Variants in OXCT1 observed in about 807,000 individuals in gnomAD.
The protein encoded by OXCT1 is succinyl-CoA:3-ketoacid coenzyme A transferase 1, mitochondrial.
OXCT1 carries 27 observed loss-of-function variants against 69.6 expected under a neutral mutation model. The observed-to-expected ratio is 0.39, with a 90% CI of 0.29 to 0.54. The LOEUF (loss-of-function observed/expected upper bound fraction) is 0.54. Ranked by LOEUF, OXCT1 falls within the 20% of genes least tolerant of loss-of-function variation. The pLI is 0.72. For missense variants in OXCT1, 437 were observed against 650.2 expected (o/e 0.67, Z 3.57); for synonymous variants, 202 against 217.8 (o/e 0.93, Z 0.64).
intron 4 of OXCT1, 28 bp from the exon 5 acceptor site, chr5:41,850,207 A>G: frequency 6.2e-7 from 1 of 1,612,262 alleles, no homozygotes; most frequent in Non-Finnish European, 8.5e-7. Flanking sequence ...ACACCCCATA[A>G]GTTCACTAAG....
At chr5:41,736,509 CT>C (rs900961409) in intron 16 of OXCT1, among the ~76,000 whole-genome samples, 1 of 151,904 alleles carries the variant, frequency 6.6e-6, no homozygotes, top group African/African-American at 2.4e-5. Context: ...CTTAGTAATT[CT>C]TTTTTTTAAC....
intron 7 of OXCT1, among the ~76,000 whole-genome samples, chr5:41,818,725 C>A (rs1747376787): frequency 6.6e-6 from 1 of 152,018 alleles, no homozygotes; most frequent in African/African-American, 2.4e-5. Flanking sequence ...AGGAGGCTGC[C>A]ATATGCTGCA....
At chr5:41,784,715 C>T (rs998171233) in intron 13 of OXCT1, among the ~76,000 whole-genome samples, 2 of 152,172 alleles carry the variant, frequency 1.3e-5, no homozygotes, top group Non-Finnish European at 2.9e-5. Flanking sequence ...TTGTATTTAA[C>T]TCAGTGTTCT....
intron 4 of OXCT1, among the ~76,000 whole-genome samples, chr5:41,850,422 T>C (rs1427473549): frequency 6.6e-6 from 1 of 152,202 alleles, no homozygotes; most frequent in Admixed American, 6.5e-5. Context: ...AGTCATGCAT[T>C]GAGCTTCCAT....
intron 3 of OXCT1, among the ~76,000 whole-genome samples, chr5:41,855,742 G>A (rs180886422): frequency 1.1e-4 from 17 of 152,306 alleles, no homozygotes; most frequent in South Asian, 8.3e-4. Flanking sequence ...AAATAAACAC[G>A]TAACCTATAA....
intron 14 of OXCT1, among the ~76,000 whole-genome samples, chr5:41,751,437 A>G (rs1001388407): frequency 6.6e-6 from 1 of 152,130 alleles, no homozygotes. Context: ...ACCTTTTTCT[A>G]GACCATTCTC....
intron 13 of OXCT1, among the ~76,000 whole-genome samples, chr5:41,789,310 T>C (rs1357789376): frequency 2.0e-5 from 3 of 152,212 alleles, no homozygotes; most frequent in African/African-American, 7.2e-5. Context: ...GTGGGCCAGA[T>C]TTGGTACATG....
intron 13 of OXCT1, among the ~76,000 whole-genome samples, chr5:41,784,303 G>A (rs924800854): frequency 6.6e-6 from 1 of 152,176 alleles, no homozygotes; most frequent in Non-Finnish European, 1.5e-5. Flanking sequence ...CTAATTATAA[G>A]TGACTGGGCA....
chr5:41,828,014 G>C (rs970769755), intron 7 of OXCT1, among the ~76,000 whole-genome samples: 2 of 152,204 alleles, frequency 1.3e-5, no homozygotes, highest in Non-Finnish European at 2.9e-5. Flanking sequence ...CAGCCAGCAG[G>C]AGCTACAGCC....
At chr5:41,811,434 G>T (rs944658623) in intron 7 of OXCT1, among the ~76,000 whole-genome samples, 1 of 152,000 alleles carries the variant, frequency 6.6e-6, no homozygotes, top group Non-Finnish European at 1.5e-5. Context: ...GGTCTATCAT[G>T]TATCAAAAAA....
chr5:41,836,589 G>T (rs867842478), intron 7 of OXCT1, among the ~76,000 whole-genome samples: 19 of 152,122 alleles, frequency 1.2e-4, no homozygotes, highest in African/African-American at 4.1e-4. Context: ...GGGCAGGGAC[G>T]TGGTTTTGGG....
chr5:41,753,783 C>G (rs750688567), intron 14 of OXCT1, among the ~76,000 whole-genome samples: 2 of 152,076 alleles, frequency 1.3e-5, no homozygotes, highest in Admixed American at 6.6e-5. Context: ...CTACAGTGAT[C>G]AATAAAGGCT....
intron 7 of OXCT1, among the ~76,000 whole-genome samples, chr5:41,819,958 T>C (rs559907197): frequency 2.0e-5 from 3 of 152,190 alleles, no homozygotes; most frequent in African/African-American, 7.2e-5. Context: ...TTATCCTGGG[T>C]CAAGCAGCCA....
chr5:41,832,121 A>G (rs1338877574), intron 7 of OXCT1, among the ~76,000 whole-genome samples: 1 of 152,250 alleles, frequency 6.6e-6, no homozygotes, highest in Non-Finnish European at 1.5e-5. Context: ...ACTGAAGGTA[A>G]GAATGCAGAC....
At chr5:41,821,827 T>C (rs1435043824) in intron 7 of OXCT1, among the ~76,000 whole-genome samples, 1 of 152,226 alleles carries the variant, frequency 6.6e-6, no homozygotes, top group African/African-American at 2.4e-5. Context: ...TGCATATGTT[T>C]GACACCAGTC....
At chr5:41,732,016 C>T (rs1298128609) in intron 16 of OXCT1, among the ~76,000 whole-genome samples, 1 of 152,144 alleles carries the variant, frequency 6.6e-6, no homozygotes, top group Non-Finnish European at 1.5e-5. Flanking sequence ...AGGCTGGCAA[C>T]AAGGAGCAGG....
chr5:41,788,244 T>C (rs1303058004), intron 13 of OXCT1, among the ~76,000 whole-genome samples: 1 of 151,690 alleles, frequency 6.6e-6, no homozygotes, highest in African/African-American at 2.4e-5. Context: ...TAAAAAGTAA[T>C]CCAACAGTGA....
intron 6 of OXCT1, 151 bp from the exon 7 acceptor site, chr5:41,840,662 G>T: frequency 1.7e-6 from 1 of 571,802 alleles, no homozygotes; most frequent in South Asian, 2.7e-5. Context: ...CATTAATAAA[G>T]TTTCATAAAT....
At chr5:41,806,276 A>C (rs1746676979) in intron 8 of OXCT1, among the ~76,000 whole-genome samples, 2 of 152,068 alleles carry the variant, frequency 1.3e-5, no homozygotes, top group African/African-American at 2.4e-5. Flanking sequence ...GTTTTGTATT[A>C]TAAAATGTCT....
Sources: gnomAD v4.1 joint callset for allele counts (sites outside exome capture counted in the v4.1 genomes callset) on GRCh38, gnomAD v4.1.1 for gene constraint, MANE v1.5 for transcripts, NCBI Gene and HGNC (gene_info 2026-07-23, HGNC 2026-07-21) for gene names.